The following WDFY2 variants were observed in gnomAD, a reference collection of about 807,000 sequenced individuals.
WDFY2 encodes the protein WD repeat and FYVE domain containing 2.
A neutral mutation model predicts 56.4 loss-of-function variants in WDFY2; 36 were observed. The ratio of observed to expected loss-of-function variants is 0.64; its 90% CI spans 0.49 to 0.84. WDFY2 has a LOEUF of 0.84. Among genes scored for constraint, WDFY2 ranks in the 40% least tolerant of loss-of-function variants. The pLI is 0.00. For synonymous variants in WDFY2, 176 were observed against 183.7 expected, an observed-to-expected ratio of 0.96 and a Z score of 0.34; for missense variants, 444 against 512.2, an observed-to-expected ratio of 0.87 and a Z score of 1.29.
At chr13:51,699,693 A>C (rs1951944644) in intron 3 of WDFY2, among the ~76,000 whole-genome samples, 1 of 152,230 alleles carries the variant, frequency 6.6e-6, no homozygotes, top group Non-Finnish European at 1.5e-5. Context: ...AATGCTGATA[A>C]GATGTGGGAA....
chr13:51,694,217 C>A (rs1951812310), intron 3 of WDFY2, among the ~76,000 whole-genome samples: 1 of 152,130 alleles, frequency 6.6e-6, no homozygotes, highest in Admixed American at 6.6e-5. Context: ...TGAATTTGAT[C>A]CTGTCATTAT....
At chr13:51,756,286 A>T (rs1347679136) in intron 9 of WDFY2, 46 bp from the exon 10 acceptor site, 1 of 1,578,210 alleles carries the variant, frequency 6.3e-7, no homozygotes, top group Non-Finnish European at 8.6e-7. Context: ...GGGCCTCAGG[A>T]GCTGAGGGAG....
intron 1 of WDFY2, among the ~76,000 whole-genome samples, chr13:51,603,375 A>G (rs1177563678): frequency 1.3e-5 from 2 of 152,108 alleles, no homozygotes; most frequent in African/African-American, 4.8e-5. Flanking sequence ...TAGGGCCTGG[A>G]GCAGCAGGAG....
chr13:51,712,123 C>A lies in WDFY2; in HGVS notation c.335-7075C>A, dbSNP rs60366486. Among the ~76,000 whole-genome samples, 1,490 of 152,160 alleles carry A rather than the reference C, an allele frequency of 9.8e-3. 12 individuals are homozygous for A. The highest frequency in any genetic ancestry group is 0.03 in the East Asian group (157 of 5,168). On this transcript the variant is annotated intron_variant, in intron 4 of 11. Transcript: ENST00000298125. ...CATGGAATACTATGCAGCCATAAAA[C>A]AGGATGAGTTCATGTCCTTTGTAGG...
intron 1 of WDFY2, chr13:51,586,336 C>T (rs773810435): frequency 3.0e-6 from 1 of 332,592 alleles, no homozygotes; most frequent in Non-Finnish European, 5.4e-6. Context: ...TTTCTAACTG[C>T]TGTGGAAAAT....
intron 1 of WDFY2, among the ~76,000 whole-genome samples, chr13:51,646,953 G>A (rs1026606136): frequency 6.6e-6 from 1 of 152,156 alleles, no homozygotes; most frequent in African/African-American, 2.4e-5. Flanking sequence ...TGGGGAGGAA[G>A]GATGGTTGTA....
chr13:51,643,891 A>C (rs1955220525), intron 1 of WDFY2, among the ~76,000 whole-genome samples: 1 of 152,210 alleles, frequency 6.6e-6, no homozygotes, highest in Non-Finnish European at 1.5e-5. Flanking sequence ...ACTCTAAAAA[A>C]ACAAAAATGT....
rs1953533880 is a variant in WDFY2, at chr13:51,760,084, A to T, written c.*315A>T. The T allele has an allele frequency of 4.0e-6, 1 of 253,134 alleles. No homozygotes were observed. 15.7% of individuals were successfully genotyped at this position (253,134 alleles called of 1,614,324 possible). On this transcript the variant is annotated 3_prime_UTR_variant, in exon 12 of 12. Coordinates refer to ENST00000298125, the MANE Select transcript of WDFY2 (RefSeq NM_052950.4). Reference sequence around the variant, plus strand: ...GTGTTTAATTTTTATACTTTTCAACACCCCATTTTACTTGTTGCTTTGTCA... The same window carrying T: ...GTGTTTAATTTTTATACTTTTCAACTCCCCATTTTACTTGTTGCTTTGTCA...
At chr13:51,715,466 C>G (rs959677574) in intron 4 of WDFY2, among the ~76,000 whole-genome samples, 5 of 152,302 alleles carry the variant, frequency 3.3e-5, no homozygotes, top group African/African-American at 7.2e-5. Flanking sequence ...GTATCACTGT[C>G]TTCCATCTCC....
intron 4 of WDFY2, among the ~76,000 whole-genome samples, chr13:51,706,485 A>G (rs977303310): frequency 6.6e-6 from 1 of 152,264 alleles, no homozygotes; most frequent in South Asian, 2.1e-4. Flanking sequence ...AAAGGACTGT[A>G]CCCCCATAAA....
At chr13:51,700,698 G>T in intron 3 of WDFY2, among the ~76,000 whole-genome samples, 1 of 152,238 alleles carries the variant, frequency 6.6e-6, no homozygotes. Flanking sequence ...AGGCGTGGTG[G>T]CTCATGCCTG....
intron 8 of WDFY2, among the ~76,000 whole-genome samples, chr13:51,751,744 G>A (rs1593478020): frequency 6.6e-6 from 1 of 152,022 alleles, no homozygotes; most frequent in East Asian, 1.9e-4. Context: ...CAAAAACGGA[G>A]GACTCACGTG....
At chr13:51,699,704 A>G (rs1471117061) in intron 3 of WDFY2, among the ~76,000 whole-genome samples, 1 of 152,238 alleles carries the variant, frequency 6.6e-6, no homozygotes. Context: ...GATGTGGGAA[A>G]ATAAGCTGTC....
chr13:51,737,450 A>G (rs117118211), intron 6 of WDFY2, among the ~76,000 whole-genome samples: 2,953 of 149,630 alleles, frequency 0.02, 45 homozygotes, highest in Non-Finnish European at 0.028. Flanking sequence ...TGCTGTGGGT[A>G]AGCCAGGCAG....
intron 1 of WDFY2, among the ~76,000 whole-genome samples, chr13:51,641,813 G>A (rs1213997186): frequency 8.8e-6 from 1 of 113,680 alleles, no homozygotes; most frequent in Non-Finnish European, 1.7e-5. Context: ...GCGACAGAGC[G>A]AGACTCCGTC....
At chr13:51,608,649 C>A in intron 1 of WDFY2, among the ~76,000 whole-genome samples, 1 of 152,120 alleles carries the variant, frequency 6.6e-6, no homozygotes, top group East Asian at 1.9e-4. Context: ...CCACTGCATT[C>A]CAGCCTGGGT....
chr13:51,720,781 A>T (rs1353213436), intron 5 of WDFY2, among the ~76,000 whole-genome samples: 2 of 152,140 alleles, frequency 1.3e-5, no homozygotes, highest in South Asian at 2.1e-4. Context: ...CGTAGACAAC[A>T]TCTCACTGTG....
chr13:51,697,023 T>C (rs1399211516), intron 3 of WDFY2, among the ~76,000 whole-genome samples: 1 of 152,072 alleles, frequency 6.6e-6, no homozygotes, highest in Non-Finnish European at 1.5e-5. Flanking sequence ...AAAGAGGAAA[T>C]ACTAAGGGCC....
intron 6 of WDFY2, among the ~76,000 whole-genome samples, chr13:51,730,524 G>A (rs941607500): frequency 4.6e-5 from 7 of 152,112 alleles, no homozygotes; most frequent in Non-Finnish European, 8.8e-5. Context: ...GAGTAAAATT[G>A]TCATTGTCCT....
Sources: gnomAD v4.1 joint callset for allele counts (sites outside exome capture counted in the v4.1 genomes callset) on GRCh38, gnomAD v4.1.1 for gene constraint, MANE v1.5 for transcripts, NCBI Gene and HGNC (gene_info 2026-07-23, HGNC 2026-07-21) for gene names.